DMD: variants seen among roughly 807,000 people sequenced by gnomAD.
DMD encodes the protein mutant dystrophin.
Under a neutral mutation model 330.1 loss-of-function variants are expected in DMD, and 63 were observed. That is an observed-to-expected ratio of 0.19 (90% CI 0.16 to 0.24). The LOEUF is 0.24. DMD is among the 10% of genes least tolerant of loss of function. The pLI is 1.00. For synonymous variants in DMD, 1,223 were observed against 959.8 expected (o/e 1.27, Z -5.07); for missense variants, 3,344 against 2,684.1 (o/e 1.25, Z -5.43).
chrX:33,050,334 G>T (rs1421944192), intron 1 of DMD, among the ~76,000 whole-genome samples: 1 of 111,700 alleles, frequency 9.0e-6, no homozygotes, highest in East Asian at 2.8e-4. Flanking sequence ...GGAATTAAAA[G>T]GTCTTAAGTG....
intron 44 of DMD, among the ~76,000 whole-genome samples, chrX:32,015,025 A>C (rs1331342432): frequency 9.0e-6 from 1 of 111,498 alleles, no homozygotes; most frequent in African/African-American, 3.3e-5. Context: ...AAACACATTA[A>C]TCCTTTAATC....
intron 2 of DMD, among the ~76,000 whole-genome samples, chrX:32,978,154 C>T (rs908318917): frequency 1.8e-5 from 2 of 111,629 alleles, no homozygotes; most frequent in African/African-American, 6.5e-5. Flanking sequence ...CGGACTGCTA[C>T]AGGGCAGGAA....
chrX:33,306,623 C>T (rs906965955), intron 1 of DMD, among the ~76,000 whole-genome samples: 1 of 110,464 alleles, frequency 9.1e-6, no homozygotes, highest in African/African-American at 3.3e-5. Flanking sequence ...GGCTTGAAAA[C>T]TCCTGGCATG....
intron 55 of DMD, among the ~76,000 whole-genome samples, chrX:31,539,429 G>C (rs1167643394): frequency 2.7e-5 from 3 of 111,928 alleles, no homozygotes; most frequent in Non-Finnish European, 5.6e-5. Flanking sequence ...CTAGCCCTAA[G>C]ATTTGCTGCC....
At chrX:32,919,373 A>G (rs182403973) in intron 2 of DMD, among the ~76,000 whole-genome samples, 17 of 112,233 alleles carry the variant, frequency 1.5e-4, no homozygotes, top group Non-Finnish European at 2.6e-4. Context: ...GAACATCCCT[A>G]GGAAGTATTA....
chrX:32,707,844 C>A (rs760116535), intron 7 of DMD, among the ~76,000 whole-genome samples: 116 of 111,656 alleles, frequency 1.0e-3, no homozygotes, highest in Non-Finnish European at 2.0e-3. Flanking sequence ...ACAATTCTCT[C>A]GACATGCCTG....
At chrX:31,627,201 T>C (rs1030101111) in intron 55 of DMD, among the ~76,000 whole-genome samples, 10 of 112,847 alleles carry the variant, frequency 8.9e-5, no homozygotes, top group Non-Finnish European at 1.7e-4. Flanking sequence ...TCACAGATCA[T>C]GTTAGGAAGA....
intron 11 of DMD, among the ~76,000 whole-genome samples, chrX:32,626,765 C>T (rs1032195987): frequency 9.7e-6 from 1 of 103,138 alleles, no homozygotes; most frequent in Non-Finnish European, 1.9e-5. Context: ...ACCTATGTAT[C>T]AAACCTGCGA....
intron 1 of DMD, among the ~76,000 whole-genome samples, chrX:33,239,904 A>G (rs1184292165): frequency 1.8e-5 from 2 of 111,764 alleles, no homozygotes; most frequent in East Asian, 5.6e-4. Context: ...ATTTAATGCA[A>G]ACTTTTTTTC....
Position 33,084,445 on chromosome X carries a change from A to AC in DMD, c.32-64246dup, listed in dbSNP as rs1177518574. ...ATCGGTCTCCCCAGGCATTCGGGGA[A>AC]CAGAGTTTTTAAGGATAACTTGGTG... On this transcript the variant is annotated intron_variant, in intron 1 of 78. Transcript: ENST00000357033. Among the ~76,000 whole-genome samples, 3 of 112,187 alleles carry AC rather than the reference A, an allele frequency of 2.7e-5. No individual in the cohort carries two copies. The Admixed American group carries it at 2.8e-4, about 11-fold the overall frequency.
intron 53 of DMD, among the ~76,000 whole-genome samples, 176 bp from the exon 54 acceptor site, chrX:31,658,320 C>T (rs1195767800): frequency 8.9e-6 from 1 of 111,839 alleles, no homozygotes; most frequent in Non-Finnish European, 1.9e-5. Flanking sequence ...AGGTAACCCA[C>T]CTTTCAGGAC....
At chrX:32,160,524 C>T (rs190470276) in intron 44 of DMD, among the ~76,000 whole-genome samples, 2 of 110,405 alleles carry the variant, frequency 1.8e-5, no homozygotes, top group South Asian at 7.8e-4. Context: ...CATGAACCAC[C>T]ATGCCCCACC....
chrX:32,298,125 T>A (rs2097505302), intron 42 of DMD, among the ~76,000 whole-genome samples: 1 of 110,456 alleles, frequency 9.1e-6, no homozygotes, highest in African/African-American at 3.3e-5. Context: ...AAGGGGGATA[T>A]AATCTGACTT....
intron 1 of DMD, among the ~76,000 whole-genome samples, chrX:33,223,884 T>A (rs780292926): frequency 2.8e-4 from 31 of 111,805 alleles, no homozygotes; most frequent in Non-Finnish European, 2.3e-4. Flanking sequence ...AAATCAACAA[T>A]AAGAAAACAA....
intron 60 of DMD, among the ~76,000 whole-genome samples, chrX:31,349,347 C>G (rs2058266874): frequency 1.8e-5 from 2 of 112,190 alleles, no homozygotes; most frequent in Middle Eastern, 4.2e-3. Flanking sequence ...GAGGCTGAGG[C>G]AGGAGGGAGG....
intron 21 of DMD, among the ~76,000 whole-genome samples, chrX:32,483,609 G>C (rs767967178): frequency 9.2e-6 from 1 of 108,832 alleles, no homozygotes; most frequent in East Asian, 2.9e-4. Context: ...CTTTAAGGGG[G>C]AGTTATGTAT....
intron 63 of DMD, among the ~76,000 whole-genome samples, chrX:31,226,546 A>C (rs1301920413): frequency 8.9e-6 from 1 of 111,958 alleles, no homozygotes; most frequent in Non-Finnish European, 1.9e-5. Flanking sequence ...TAGTGAGCAG[A>C]ACTTGATCTA....
intron 1 of DMD, among the ~76,000 whole-genome samples, chrX:33,314,523 G>A (rs1434923238): frequency 1.0e-5 from 1 of 99,089 alleles, no homozygotes; most frequent in East Asian, 3.3e-4. Context: ...CTCGCAAAGT[G>A]TTGGGATTAC....
chrX:32,433,041 G>A (rs946950278), intron 29 of DMD, among the ~76,000 whole-genome samples: 1 of 112,237 alleles, frequency 8.9e-6, no homozygotes, highest in African/African-American at 3.2e-5. Context: ...CACGAAAGAG[G>A]TGAAATAATC....
Sources: gnomAD v4.1 joint callset for allele counts (sites outside exome capture counted in the v4.1 genomes callset) on GRCh38, gnomAD v4.1.1 for gene constraint, MANE v1.5 for transcripts, NCBI Gene and HGNC (gene_info 2026-07-23, HGNC 2026-07-21) for gene names.